ZC3H14: variants seen among roughly 807,000 people sequenced by gnomAD.
ZC3H14 encodes the protein zinc finger CCCH-type containing 14.
A neutral mutation model predicts 92.4 loss-of-function variants in ZC3H14; 31 were observed. The ratio of observed to expected loss-of-function variants is 0.34; its 90% CI spans 0.25 to 0.45. The LOEUF is 0.45. Among genes scored for constraint, ZC3H14 ranks in the 20% least tolerant of loss-of-function variants. ZC3H14 has a pLI of 1.00. For synonymous variants in ZC3H14, 321 were observed against 300.9 expected (o/e 1.07, Z -0.69); for missense variants, 781 against 897.3 (o/e 0.87, Z 1.66).
chr14:88,579,194 A>G (rs1292304812), intron 9 of ZC3H14, among the ~76,000 whole-genome samples: 1 of 152,310 alleles, frequency 6.6e-6, no homozygotes, highest in East Asian at 1.9e-4. Context: ...AGGTTTCATG[A>G]AACCTTATGA....
intron 12 of ZC3H14, among the ~76,000 whole-genome samples, chr14:88,605,610 A>C (rs1490768492): frequency 6.6e-6 from 1 of 152,230 alleles, no homozygotes. Context: ...CTGGGGTTAC[A>C]GGCATGAGCC....
At chr14:88,590,975 T>C (rs572137836) in intron 9 of ZC3H14, 1 of 149,120 alleles carries the variant, frequency 6.7e-6, no homozygotes, top group Non-Finnish European at 1.5e-5. Context: ...TACCCAGAGA[T>C]TGTTGACATC....
At chr14:88,578,408 C>T (rs2081436847) in intron 9 of ZC3H14, among the ~76,000 whole-genome samples, 2 of 152,042 alleles carry the variant, frequency 1.3e-5, no homozygotes, top group African/African-American at 4.8e-5. Flanking sequence ...TCCTTAGTAG[C>T]TGGAGGTGTG....
At chr14:88,599,724 C>G (rs1046094090) in intron 10 of ZC3H14, among the ~76,000 whole-genome samples, 4 of 152,220 alleles carry the variant, frequency 2.6e-5, no homozygotes, top group Non-Finnish European at 5.9e-5. Flanking sequence ...TCTCTCCCAC[C>G]TTCAGCATTA....
In ZC3H14 at chr14:88,616,261, C is replaced by G; in HGVS notation, c.*4510C>G. 1 of 1,611,196 alleles carries G rather than the reference C, an allele frequency of 6.2e-7. No homozygotes were observed. Among genetic ancestry groups the G allele is most frequent in the South Asian group, 1.1e-5 (1 of 90,986 alleles). On this transcript the variant is annotated 3_prime_UTR_variant, in exon 17 of 17. Transcript: ENST00000251038. Reference sequence around the variant, plus strand: ...GTTTTGCCTAAAAAACAATGACAGACAAGCTCAGGGCATTTGGTGCACACA... The same window carrying G: ...GTTTTGCCTAAAAAACAATGACAGAGAAGCTCAGGGCATTTGGTGCACACA...
rs535357167 is a variant in ZC3H14 at position 88,596,771 on chromosome 14, C to A, written c.1317C>A (p.Ile439=). ...QQRQLLSRLQ[I]DPVMAETLQM... ...GGCAATTATTATCCCGACTGCAAAT[C>A]GACCCAGTAATGGCAGAAACTCTGC... Residue 439 remains isoleucine (I), a synonymous_variant, in exon 10 of 17, where the codon ATC becomes ATA. Transcript: ENST00000251038. 1.2e-6 allele frequency: 2 copies of A among 1,613,996 alleles called. No homozygotes were observed. Among genetic ancestry groups the A allele is most frequent in the South Asian group, 1.1e-5 (1 of 91,076 alleles).
At chr14:88,569,775 T>C (rs2080154625) in intron 3 of ZC3H14, among the ~76,000 whole-genome samples, 2 of 152,228 alleles carry the variant, frequency 1.3e-5, no homozygotes, top group Non-Finnish European at 1.5e-5. Flanking sequence ...AGTAGGCAAC[T>C]GTATGCTTAT....
In ZC3H14 at chr14:88,626,817, T is replaced by C. The variant is rs753743252; in HGVS notation, c.*15066T>C. The C allele has an allele frequency of 1.9e-6, 3 of 1,611,720 alleles. No individual in the cohort carries two copies. The highest frequency in any genetic ancestry group is 2.5e-6 in the Non-Finnish European group (3 of 1,178,396). ...ATGTAAAGTAGTCAAAGTCACACTA[T>C]GTGCATTTTAAGAGACATACTGCAC... On this transcript the variant is annotated 3_prime_UTR_variant, in exon 17 of 17. Transcript: ENST00000251038.
intron 9 of ZC3H14, chr14:88,590,734 C>T (rs1168286195): frequency 3.9e-5 from 6 of 152,202 alleles, no homozygotes; most frequent in South Asian, 4.1e-4. Context: ...CCTCCTTCCC[C>T]GTCTCAACAG....
chr14:88,577,574 C>A (rs1566913834), intron 8 of ZC3H14, among the ~76,000 whole-genome samples: 7 of 147,074 alleles, frequency 4.8e-5, no homozygotes, highest in Admixed American at 2.7e-4. Flanking sequence ...TTTTCTTTTT[C>A]TTTTTTTTTT....
chr14:88,575,972 AAGAC>A (rs758334963), intron 8 of ZC3H14, 32 bp downstream of exon 8: 30 of 1,534,998 alleles, frequency 2.0e-5, no homozygotes, highest in Non-Finnish European at 2.7e-5. Context: ...TACACTTGGT[AAGAC>A]ATTTCTGTAA....
intron 9 of ZC3H14, among the ~76,000 whole-genome samples, chr14:88,582,147 C>G (rs537297893): frequency 6.6e-6 from 1 of 152,196 alleles, no homozygotes; most frequent in Non-Finnish European, 1.5e-5. Context: ...GAAACATTTT[C>G]TTTTAAAATG....
chr14:88,598,351 A>G (rs1450806230), intron 10 of ZC3H14, among the ~76,000 whole-genome samples: 2 of 152,190 alleles, frequency 1.3e-5, no homozygotes, highest in South Asian at 2.1e-4. Flanking sequence ...CTTCTCCAAA[A>G]CAAAGTTTTT....
chr14:88,616,412 G>C lies in ZC3H14; in HGVS notation c.*4661G>C, dbSNP rs574123874. 1 of 671,716 alleles carries C rather than the reference G, an allele frequency of 1.5e-6. No homozygotes were observed. Among genetic ancestry groups the C allele is most frequent in the Admixed American group, 2.8e-5 (1 of 35,634 alleles). The allele number at this position is 671,716 out of a possible 1,614,324, so 41.6% of individuals were successfully genotyped here. A position where few individuals can be genotyped will look rare whatever the true frequency, so the allele number is the denominator to read the frequency against. On this transcript the variant is annotated 3_prime_UTR_variant, in exon 17 of 17. Transcript: ENST00000251038. ...ATGAGTAGTGGATCTGCAAAACCAG[G>C]CTGTGTGGGCAGTCAGATGTCTCCA...
intron 4 of ZC3H14, 88 bp from the exon 5 acceptor site, chr14:88,571,942 G>T (rs1468838251): frequency 1.8e-6 from 2 of 1,121,402 alleles, no homozygotes; most frequent in Non-Finnish European, 2.4e-6. Context: ...CCAGCCTGGC[G>T]ACAGAGCGAG....
rs1021534237 is a variant in ZC3H14 at position 88,625,324 on chromosome 14, C to A, written c.*13573C>A. 7.2e-6 allele frequency: 4 copies of A among 556,720 alleles called. No individual in the cohort carries two copies. Among genetic ancestry groups the A allele is most frequent in the Middle Eastern group, 9.7e-4 (2 of 2,070 alleles). 34.5% of individuals were successfully genotyped at this position (556,720 alleles called of 1,614,324 possible). On this transcript the variant is annotated 3_prime_UTR_variant, in exon 17 of 17. Coordinates refer to ENST00000251038, the MANE Select transcript of ZC3H14 (RefSeq NM_024824.5). Reference sequence around the variant, plus strand: ...AGCTTTGTCAGGACCTTTTCCTTTCCAAGTCTGTTGCTTATTAGCTAGAAT... The same window carrying A: ...AGCTTTGTCAGGACCTTTTCCTTTCAAAGTCTGTTGCTTATTAGCTAGAAT...
chr14:88,616,079 GTT>G lies in ZC3H14; in HGVS notation c.*4329_*4330del. ...TTCATAAACCAAAGCTGTAGGAGTT[GTT>G]GTATTAAGTCTCTTAACTAGTAACA... is the stretch of plus-strand genomic sequence containing the variant. On this transcript the variant is annotated 3_prime_UTR_variant, in exon 17 of 17. Coordinates refer to ENST00000251038, the MANE Select transcript of ZC3H14 (RefSeq NM_024824.5). 6.5e-7 allele frequency: 1 copy of G among 1,536,684 alleles called. No homozygotes were observed. The highest frequency in any genetic ancestry group is 9.0e-7 in the Non-Finnish European group (1 of 1,110,594).
rs1403734150 is a variant in ZC3H14, at chr14:88,568,243, T to G, written c.194+90T>G. On this transcript the variant is annotated intron_variant, in intron 3 of 16. Transcript: ENST00000251038. ...CAAAGAGAGGTTCTTGACACTTGAGTTAGGTTTACTTTGGAGAGGCAGTTT... is the reference window on the plus strand; with the variant it reads ...CAAAGAGAGGTTCTTGACACTTGAGGTAGGTTTACTTTGGAGAGGCAGTTT... 3 of 1,084,156 alleles carry G rather than the reference T, an allele frequency of 2.8e-6. No homozygotes were observed. In the East Asian group the frequency reaches 7.7e-5, roughly 28 times the overall value. 67.2% of individuals were successfully genotyped at this position (1,084,156 alleles called of 1,614,324 possible).
At chr14:88,583,430 T>TAAAA (rs1299101820) in intron 9 of ZC3H14, among the ~76,000 whole-genome samples, 1 of 152,172 alleles carries the variant, frequency 6.6e-6, no homozygotes, top group Non-Finnish European at 1.5e-5. Context: ...ACTTCTCTTT[T>TAAAA]AATTTATCCT....
Sources: gnomAD v4.1 joint callset for allele counts (sites outside exome capture counted in the v4.1 genomes callset) on GRCh38, gnomAD v4.1.1 for gene constraint, MANE v1.5 for transcripts, NCBI Gene and HGNC (gene_info 2026-07-23, HGNC 2026-07-21) for gene names.